The following AGBL4 variants were observed in gnomAD, a reference collection of about 807,000 sequenced individuals.
AGBL4 encodes the protein cytosolic carboxypeptidase 6.
Under a neutral mutation model 66.4 loss-of-function variants are expected in AGBL4, and 58 were observed. The observed-to-expected ratio is 0.87, with a 90% CI of 0.71 to 1.09. AGBL4 has a LOEUF of 1.09. Ranked by LOEUF, AGBL4 falls within the 50% of genes least tolerant of loss-of-function variation. The pLI is 0.00. For synonymous variants in AGBL4, 234 were observed against 222.9 expected (o/e 1.05, Z -0.44); for missense variants, 579 against 631.0 (o/e 0.92, Z 0.88).
chr1:48,529,808 C>T (rs996112678), downstream of AGBL4, among the ~76,000 whole-genome samples: 1 of 152,118 alleles, frequency 6.6e-6, no homozygotes, highest in Non-Finnish European at 1.5e-5. Context: ...AACAACCCTG[C>T]TGAGATTCCA....
intron 6 of AGBL4, among the ~76,000 whole-genome samples, chr1:48,696,064 GTCCTGGCCCCACAGAGCCAGGGTGCT>G (rs1646709632): frequency 6.6e-6 from 1 of 152,166 alleles, no homozygotes; most frequent in Non-Finnish European, 1.5e-5. Context: ...CCCTGACCCT[GTCCTGGCCCCACAGAGCCAGGGTGCT>G]TCTTCTGTCC....
intron 5 of AGBL4, among the ~76,000 whole-genome samples, chr1:48,991,547 A>G (rs901937233): frequency 2.0e-5 from 3 of 152,142 alleles, no homozygotes; most frequent in Non-Finnish European, 4.4e-5. Flanking sequence ...CTTTGTTATT[A>G]TCCTTTTGAA....
chr1:49,128,960 A>T (rs952527849), intron 4 of AGBL4, among the ~76,000 whole-genome samples: 4 of 152,066 alleles, frequency 2.6e-5, no homozygotes, highest in Non-Finnish European at 5.9e-5. Flanking sequence ...TAAATCATAT[A>T]CGTGATAAAA....
intron 3 of AGBL4, among the ~76,000 whole-genome samples, chr1:49,273,777 G>A (rs112710435): frequency 3.3e-5 from 5 of 152,108 alleles, no homozygotes; most frequent in South Asian, 2.1e-4. Context: ...CCCAGTTCAC[G>A]CCATTCTCCT....
rs1161101027 is a variant in AGBL4 at position 49,881,922 on chromosome 1, T to C, written c.35-30404A>G. Among the ~76,000 whole-genome samples the C allele has an allele frequency of 2.0e-5, 3 of 152,266 alleles. No homozygotes were observed. In the East Asian group the frequency reaches 5.8e-4, roughly 29 times the overall value. On this transcript the variant is annotated intron_variant, in intron 1 of 13. Transcript: ENST00000371839. ...TCCCATTTGTCAATTTTGGCTTTGG[T>C]TGCCATTGCTTTTGGTGTTTTGGAC... is the stretch of plus-strand genomic sequence containing the variant.
chr1:48,739,510 C>T (rs558960136), intron 6 of AGBL4, among the ~76,000 whole-genome samples: 7 of 152,292 alleles, frequency 4.6e-5, no homozygotes, highest in South Asian at 2.1e-4. Flanking sequence ...GTTCATTTCC[C>T]GCTACTTCCA....
At chr1:49,260,162 G>T (rs1202452025) in intron 3 of AGBL4, among the ~76,000 whole-genome samples, 1 of 151,682 alleles carries the variant, frequency 6.6e-6, no homozygotes, top group Non-Finnish European at 1.5e-5. Context: ...AAAGCAGTGT[G>T]TAGAGGGAAA....
At chr1:49,693,862 C>A (rs2124603949) in intron 3 of AGBL4, among the ~76,000 whole-genome samples, 1 of 152,180 alleles carries the variant, frequency 6.6e-6, no homozygotes, top group African/African-American at 2.4e-5. Flanking sequence ...TACATTTCCA[C>A]TAAGAATATT....
chr1:49,277,047 A>G (rs1305828515), intron 3 of AGBL4, among the ~76,000 whole-genome samples: 1 of 152,246 alleles, frequency 6.6e-6, no homozygotes, highest in Non-Finnish European at 1.5e-5. Context: ...ACTAAAAGAA[A>G]GAAAAACTGA....
At chr1:48,866,302 G>A (rs966622839) in intron 6 of AGBL4, among the ~76,000 whole-genome samples, 2 of 152,154 alleles carry the variant, frequency 1.3e-5, no homozygotes, top group Non-Finnish European at 2.9e-5. Flanking sequence ...ATATCCAAAT[G>A]TATTGGTAAT....
intron 6 of AGBL4, among the ~76,000 whole-genome samples, chr1:48,696,005 C>T (rs1183462053): frequency 6.6e-6 from 1 of 152,164 alleles, no homozygotes; most frequent in Non-Finnish European, 1.5e-5. Context: ...AGGGCCTTCT[C>T]ATTAGGAGCA....
intron 3 of AGBL4, among the ~76,000 whole-genome samples, chr1:49,576,648 A>G (rs553235731): frequency 1.3e-5 from 2 of 152,312 alleles, no homozygotes; most frequent in South Asian, 4.1e-4. Flanking sequence ...GCAGCGTTCC[A>G]TCATCAAATG....
intron 4 of AGBL4, among the ~76,000 whole-genome samples, chr1:49,133,694 T>C (rs1169406941): frequency 6.6e-6 from 1 of 152,140 alleles, no homozygotes; most frequent in African/African-American, 2.4e-5. Context: ...ATGTGGATGT[T>C]CTTCTTTGGT....
At chr1:48,526,612 G>A in the AGBL4 span, among the ~76,000 whole-genome samples, 1 of 152,198 alleles carries the variant, frequency 6.6e-6, no homozygotes, top group African/African-American at 2.4e-5. Context: ...TAGATTAGCA[G>A]TACCAGCAAC....
At chr1:49,243,701 T>TA (rs1033119614) in intron 4 of AGBL4, among the ~76,000 whole-genome samples, 206 of 146,526 alleles carry the variant, frequency 1.4e-3, no homozygotes, top group African/African-American at 4.2e-3. Flanking sequence ...TCCTATGAAG[T>TA]AAAAAAAAAA....
intron 2 of AGBL4, among the ~76,000 whole-genome samples, chr1:49,744,162 G>C (rs1264244950): frequency 6.6e-6 from 1 of 152,108 alleles, no homozygotes; most frequent in Non-Finnish European, 1.5e-5. Flanking sequence ...GGTGGCATGT[G>C]GATTGGAGGT....
intron 4 of AGBL4, among the ~76,000 whole-genome samples, chr1:49,098,953 T>C (rs1388983444): frequency 1.3e-5 from 2 of 152,190 alleles, no homozygotes; most frequent in Non-Finnish European, 2.9e-5. Context: ...ATTTTAATTA[T>C]GGAATATAAT....
chr1:49,360,998 G>C (rs207460114), intron 3 of AGBL4, among the ~76,000 whole-genome samples: 1 of 151,740 alleles, frequency 6.6e-6, no homozygotes, highest in Non-Finnish European at 1.5e-5. Context: ...GAGTTTCACC[G>C]TGTTGGCCAG....
chr1:49,883,168 G>T (rs61177394), intron 1 of AGBL4, among the ~76,000 whole-genome samples: 7,591 of 152,042 alleles, frequency 0.05, 580 homozygotes, highest in African/African-American at 0.16. Context: ...CATTATATTT[G>T]ATTTATTAAT....
Sources: gnomAD v4.1 joint callset for allele counts (sites outside exome capture counted in the v4.1 genomes callset) on GRCh38, gnomAD v4.1.1 for gene constraint, MANE v1.5 for transcripts, NCBI Gene and HGNC (gene_info 2026-07-23, HGNC 2026-07-21) for gene names.